CDKAL1: variants seen among roughly 807,000 people sequenced by gnomAD.
CDKAL1 encodes CDKAL1 threonylcarbamoyladenosine tRNA methylthiotransferase, also known as threonylcarbamoyladenosine tRNA methylthiotransferase.
A neutral mutation model predicts 68.2 loss-of-function variants in CDKAL1; 32 were observed. That is an observed-to-expected ratio of 0.47 (90% confidence interval 0.35 to 0.63). The LOEUF is 0.63. Ranked by LOEUF, CDKAL1 falls within the 30% of genes least tolerant of loss-of-function variation. CDKAL1 has a pLI of 0.00. For missense variants in CDKAL1, 606 were observed against 696.7 expected, an observed-to-expected ratio of 0.87 and a Z score of 1.47; for synonymous variants, 234 against 244.3, an observed-to-expected ratio of 0.96 and a Z score of 0.39.
chr6:21,029,725 A>C (rs1769163647), intron 11 of CDKAL1, among the ~76,000 whole-genome samples: 1 of 152,230 alleles, frequency 6.6e-6, no homozygotes, highest in Non-Finnish European at 1.5e-5. Context: ...ACACATGAAA[A>C]AAAGCTCAAC....
chr6:21,040,018 C>A (rs1045814409), intron 11 of CDKAL1, among the ~76,000 whole-genome samples: 1 of 152,198 alleles, frequency 6.6e-6, no homozygotes, highest in African/African-American at 2.4e-5. Flanking sequence ...ATTTTTAGTA[C>A]TGACCTTTCG....
intron 9 of CDKAL1, among the ~76,000 whole-genome samples, chr6:20,940,571 G>A (rs1222331160): frequency 2.0e-5 from 3 of 152,012 alleles, no homozygotes; most frequent in African/African-American, 7.2e-5. Context: ...GGCGGGGAGC[G>A]GGAGATGGAG....
chr6:21,062,117 G>A (rs778285245), intron 11 of CDKAL1, among the ~76,000 whole-genome samples: 17 of 152,180 alleles, frequency 1.1e-4, no homozygotes, highest in Admixed American at 2.6e-4. Flanking sequence ...AATGTATCAA[G>A]AAGGATAGAG....
intron 2 of CDKAL1, among the ~76,000 whole-genome samples, chr6:20,541,888 A>G (rs1470278011): frequency 1.3e-5 from 2 of 152,178 alleles, no homozygotes; most frequent in African/African-American, 4.8e-5. Context: ...ATGAACTCCC[A>G]ACCTCAGGTG....
intron 8 of CDKAL1, among the ~76,000 whole-genome samples, chr6:20,815,518 A>G (rs1376578473): frequency 6.6e-6 from 1 of 151,672 alleles, no homozygotes; most frequent in East Asian, 1.9e-4. Flanking sequence ...TTTTAAATAA[A>G]CTTTCTCTTT....
At chr6:21,050,174 T>A (rs878972127) in intron 11 of CDKAL1, among the ~76,000 whole-genome samples, 1 of 152,246 alleles carries the variant, frequency 6.6e-6, no homozygotes, top group Admixed American at 6.5e-5. Flanking sequence ...TTTAGGGAGA[T>A]ACCTTGAAAG....
intron 11 of CDKAL1, among the ~76,000 whole-genome samples, chr6:21,001,006 C>T (rs780586854): frequency 6.6e-6 from 1 of 152,148 alleles, no homozygotes; most frequent in African/African-American, 2.4e-5. Context: ...TCTTCAAAAC[C>T]CTGCTCCTCA....
chr6:20,786,719 G>T (rs1047555314), intron 8 of CDKAL1, among the ~76,000 whole-genome samples: 1 of 151,858 alleles, frequency 6.6e-6, no homozygotes, highest in South Asian at 2.1e-4. Context: ...GGATGGTCTC[G>T]ATCTCCTGAC....
Position 20,771,679 on chromosome 6 carries a change from G to A in CDKAL1, c.518-9466G>A, listed in dbSNP as rs568756362. ...TGGGAGGTATTTGGGTCATGGGGGC[G>A]GTTCCCTCATGAATGGCTTGGTGCT... On this transcript the variant is annotated intron_variant, in intron 7 of 15. Coordinates refer to ENST00000274695, the MANE Select transcript of CDKAL1 (RefSeq NM_017774.3). Among the ~76,000 whole-genome samples, 99 of 152,250 alleles carry A rather than the reference G, an allele frequency of 6.5e-4. 1 individual carries two copies. Among genetic ancestry groups the A allele is most frequent in the African/African-American group, 2.2e-3 (93 of 41,538 alleles).
chr6:21,141,493 C>T lies in CDKAL1; in HGVS notation c.1299+33030C>T, dbSNP rs1232449822. Among the ~76,000 whole-genome samples the T allele has an allele frequency of 2.6e-5, 4 of 152,256 alleles. No homozygotes were observed. In the East Asian group the frequency reaches 7.7e-4, roughly 29 times the overall value. On this transcript the variant is annotated intron_variant, in intron 13 of 15. Coordinates refer to ENST00000274695, the MANE Select transcript of CDKAL1 (RefSeq NM_017774.3). Reference sequence around the variant, plus strand: ...CCTACTTAAGAATAAGGTGTATGTCCCCGCGATTCACTCAGTGCCTGACAC... The same window carrying T: ...CCTACTTAAGAATAAGGTGTATGTCTCCGCGATTCACTCAGTGCCTGACAC...
chr6:20,605,766 T>A (rs2127717055), intron 4 of CDKAL1, among the ~76,000 whole-genome samples: 1 of 152,310 alleles, frequency 6.6e-6, no homozygotes, highest in South Asian at 2.1e-4. Flanking sequence ...CATGACTGGC[T>A]GGTAAGAACA....
intron 13 of CDKAL1, among the ~76,000 whole-genome samples, chr6:21,161,804 G>A (rs1776938409): frequency 6.6e-6 from 1 of 152,086 alleles, no homozygotes; most frequent in Non-Finnish European, 1.5e-5. Flanking sequence ...TTTTATTAAG[G>A]CTTGATAATT....
intron 7 of CDKAL1, among the ~76,000 whole-genome samples, chr6:20,764,758 T>C (rs1774619827): frequency 6.6e-6 from 1 of 152,186 alleles, no homozygotes; most frequent in Admixed American, 6.5e-5. Context: ...GGGAGGGTAT[T>C]GGACCACAAA....
Position 20,905,312 on chromosome 6 carries a change from T to G in CDKAL1, c.743-50107T>G, listed in dbSNP as rs1384087252. On this transcript the variant is annotated intron_variant, in intron 9 of 15. Coordinates refer to ENST00000274695, the MANE Select transcript of CDKAL1 (RefSeq NM_017774.3). ...AAATACCGTAACTGAAATAAGAAATTCACTAGAGAGATTCAAAGACAATTG... is the reference window on the plus strand; with the variant it reads ...AAATACCGTAACTGAAATAAGAAATGCACTAGAGAGATTCAAAGACAATTG... Among the ~76,000 whole-genome samples, 4 of 152,068 alleles carry G rather than the reference T, an allele frequency of 2.6e-5. No homozygotes were observed. In the East Asian group the frequency reaches 7.7e-4, roughly 29 times the overall value.
chr6:20,840,464 G>A (rs189046260), intron 8 of CDKAL1, among the ~76,000 whole-genome samples: 32 of 152,316 alleles, frequency 2.1e-4, no homozygotes, highest in African/African-American at 7.5e-4. Context: ...CTGCAATTGT[G>A]TTTCAATTTA....
At chr6:21,043,928 T>A (rs1011499783) in intron 11 of CDKAL1, among the ~76,000 whole-genome samples, 1 of 152,220 alleles carries the variant, frequency 6.6e-6, no homozygotes, top group African/African-American at 2.4e-5. Flanking sequence ...GCTTTTCTGA[T>A]CAGAAATTGA....
At chr6:21,119,155 T>A (rs917227760) in intron 13 of CDKAL1, among the ~76,000 whole-genome samples, 3 of 152,142 alleles carry the variant, frequency 2.0e-5, no homozygotes, top group African/African-American at 7.2e-5. Flanking sequence ...TTCCTCTTTC[T>A]TCCTGTTGAG....
rs139397250 is a variant in CDKAL1, at chr6:20,730,874, A to G, written c.372-8645A>G. Among the ~76,000 whole-genome samples, 406 of 151,858 alleles carry G rather than the reference A, an allele frequency of 2.7e-3. 1 individual carries two copies. The highest frequency in any genetic ancestry group is 9.2e-3 in the African/African-American group (381 of 41,442). On this transcript the variant is annotated intron_variant, in intron 5 of 15. Coordinates refer to ENST00000274695, the MANE Select transcript of CDKAL1 (RefSeq NM_017774.3). ...AAAAAAAAAAAAAGAGAGAAGGAGA[A>G]ATAAAGCAGGGAAGCAGCCAGTGGT... is the stretch of plus-strand genomic sequence containing the variant.
At chr6:21,228,143 C>A (rs961408720) in intron 15 of CDKAL1, among the ~76,000 whole-genome samples, 1 of 152,094 alleles carries the variant, frequency 6.6e-6, no homozygotes, top group African/African-American at 2.4e-5. Context: ...GCTCGTGTAG[C>A]CAGTTTCGGG....
Sources: allele counts gnomAD v4.1 joint callset (sites outside exome capture counted in the v4.1 genomes callset), GRCh38; gene constraint gnomAD v4.1.1; transcripts MANE v1.5; gene names NCBI Gene and HGNC (gene_info 2026-07-23, HGNC 2026-07-21).